The following FMN1 variants were observed in gnomAD, a reference collection of about 807,000 sequenced individuals.
FMN1 encodes the protein formin-1.
A neutral mutation model predicts 132.4 loss-of-function variants in FMN1; 110 were observed. The observed-to-expected ratio is 0.83, with a 90% CI of 0.71 to 0.97. The LOEUF (loss-of-function observed/expected upper bound fraction) is 0.97. FMN1 is among the 50% of genes least tolerant of loss of function. The pLI, the probability that FMN1 is intolerant of heterozygous loss-of-function variation, is 0.00. For synonymous variants in FMN1, 722 were observed against 651.7 expected, an observed-to-expected ratio of 1.11 and a Z score of -1.64; for missense variants, 1,792 against 1,705.3, an observed-to-expected ratio of 1.05 and a Z score of -0.90.
intron 7 of FMN1, among the ~76,000 whole-genome samples, chr15:32,978,158 C>T (rs2032363680): frequency 6.6e-6 from 1 of 151,980 alleles, no homozygotes; most frequent in African/African-American, 2.4e-5. Context: ...CCAGCCTATT[C>T]ATTAATTTTG....
chr15:33,036,129 C>G (rs754376569), intron 6 of FMN1, among the ~76,000 whole-genome samples: 1 of 152,174 alleles, frequency 6.6e-6, no homozygotes, highest in Non-Finnish European at 1.5e-5. Flanking sequence ...TACTCAGAGT[C>G]AGGTATCCTG....
At chr15:32,840,428 C>G (rs1298645576) in intron 17 of FMN1, among the ~76,000 whole-genome samples, 1 of 152,156 alleles carries the variant, frequency 6.6e-6, no homozygotes, top group Non-Finnish European at 1.5e-5. Flanking sequence ...TTGTAATCAC[C>G]CGGTATCAGC....
At chr15:33,019,658 G>C (rs1432241353) in intron 6 of FMN1, among the ~76,000 whole-genome samples, 1 of 152,220 alleles carries the variant, frequency 6.6e-6, no homozygotes, top group Admixed American at 6.5e-5. Flanking sequence ...GACAAATCGA[G>C]CGCAGCACCA....
intron 9 of FMN1, among the ~76,000 whole-genome samples, chr15:32,932,083 A>G (rs1020715772): frequency 6.6e-6 from 1 of 152,164 alleles, no homozygotes; most frequent in African/African-American, 2.4e-5. Flanking sequence ...ATGGTATATG[A>G]TCCTTTTAAT....
At chr15:33,151,482 C>CTGTTGGAGACTGA in intron 4 of FMN1, 2 of 1,169,656 alleles carry the variant, frequency 1.7e-6, no homozygotes, top group Non-Finnish European at 2.4e-6. Context: ...CGGTCAGTCT[C>CTGTTGGAGACTGA]CAACAGAAAC....
chr15:33,096,649 G>A (rs552954050), intron 4 of FMN1, among the ~76,000 whole-genome samples: 4 of 151,704 alleles, frequency 2.6e-5, no homozygotes, highest in Admixed American at 6.6e-5. Flanking sequence ...ATCTAGGCTG[G>A]AGTGCTGTGG....
chr15:32,883,202 A>G (rs16960460), intron 16 of FMN1, among the ~76,000 whole-genome samples: 4,244 of 152,206 alleles, frequency 0.028, 197 homozygotes, highest in African/African-American at 0.093. Context: ...ATGAAAACAA[A>G]ACTGATCAAG....
At chr15:33,102,063 T>C (rs1479320525) in intron 4 of FMN1, among the ~76,000 whole-genome samples, 1 of 152,134 alleles carries the variant, frequency 6.6e-6, no homozygotes, top group Non-Finnish European at 1.5e-5. Flanking sequence ...ACTAAGTTTA[T>C]CTCCCCTTTT....
chr15:33,087,972 C>T (rs1220548914), intron 5 of FMN1, among the ~76,000 whole-genome samples: 2 of 152,054 alleles, frequency 1.3e-5, no homozygotes, highest in Non-Finnish European at 2.9e-5. Context: ...GAAAACCAAA[C>T]ATTCTATGTT....
intron 6 of FMN1, among the ~76,000 whole-genome samples, chr15:33,030,573 C>T (rs2035889283): frequency 6.6e-6 from 1 of 152,152 alleles, no homozygotes; most frequent in Non-Finnish European, 1.5e-5. Flanking sequence ...CAAATGATAA[C>T]ACTAAAATAG....
chr15:33,016,881 A>G (rs1285575042), intron 6 of FMN1, among the ~76,000 whole-genome samples: 2 of 152,158 alleles, frequency 1.3e-5, no homozygotes, highest in Non-Finnish European at 2.9e-5. Flanking sequence ...TGTCTGTTGA[A>G]CGCCATAAAA....
chr15:33,045,621 A>C (rs2036642712), intron 6 of FMN1, among the ~76,000 whole-genome samples: 1 of 152,196 alleles, frequency 6.6e-6, no homozygotes, highest in African/African-American at 2.4e-5. Flanking sequence ...CCGTGACAGA[A>C]ACTGGACTGG....
intron 4 of FMN1, among the ~76,000 whole-genome samples, chr15:33,142,937 G>T (rs1212513733): frequency 2.0e-5 from 3 of 152,190 alleles, no homozygotes; most frequent in Non-Finnish European, 2.9e-5. Flanking sequence ...TGTGACCAGT[G>T]AAGTACATGA....
At chr15:32,991,290 T>C (rs1043814253) in intron 7 of FMN1, among the ~76,000 whole-genome samples, 4 of 152,186 alleles carry the variant, frequency 2.6e-5, no homozygotes, top group Non-Finnish European at 2.9e-5. Flanking sequence ...CATCAACTTA[T>C]TCCTTCTGGC....
chr15:32,993,188 T>A (rs2033548141), intron 7 of FMN1, among the ~76,000 whole-genome samples: 1 of 152,078 alleles, frequency 6.6e-6, no homozygotes, highest in Non-Finnish European at 1.5e-5. Context: ...CACATTCACT[T>A]CCTTGCCATT....
chr15:33,028,179 T>C (rs980910557), intron 6 of FMN1, among the ~76,000 whole-genome samples: 3 of 152,230 alleles, frequency 2.0e-5, no homozygotes, highest in South Asian at 4.1e-4. Flanking sequence ...AGATGCGTGT[T>C]AGGAGCTGGA....
intron 7 of FMN1, among the ~76,000 whole-genome samples, chr15:33,004,060 C>G (rs1309534236): frequency 6.6e-6 from 1 of 152,122 alleles, no homozygotes; most frequent in Non-Finnish European, 1.5e-5. Flanking sequence ...GGATTAAAGA[C>G]TTACATGTTA....
chr15:32,940,287 G>A (rs1187420289), intron 9 of FMN1, among the ~76,000 whole-genome samples: 1 of 152,056 alleles, frequency 6.6e-6, no homozygotes, highest in Non-Finnish European at 1.5e-5. Flanking sequence ...CTATTTCTAG[G>A]CCTGCCCTTG....
chr15:32,883,533 A>G (rs955066766), intron 16 of FMN1, among the ~76,000 whole-genome samples: 2 of 149,368 alleles, frequency 1.3e-5, no homozygotes, highest in African/African-American at 4.9e-5. Flanking sequence ...AAAAAAAAAA[A>G]AAAAAAAAAG....
Sources: gnomAD v4.1 joint callset for allele counts (sites outside exome capture counted in the v4.1 genomes callset) on GRCh38, gnomAD v4.1.1 for gene constraint, MANE v1.5 for transcripts, NCBI Gene and HGNC (gene_info 2026-07-23, HGNC 2026-07-21) for gene names.